ANK1: variants seen among roughly 807,000 people sequenced by gnomAD.
The protein encoded by ANK1 is ankyrin 1.
ANK1 carries 51 observed loss-of-function variants against 210.4 expected under a neutral mutation model. That is an observed-to-expected ratio of 0.24 (90% CI 0.19 to 0.31). ANK1 has a LOEUF of 0.31. Ranked by LOEUF, ANK1 falls within the 10% of genes least tolerant of loss-of-function variation. The pLI, the probability that ANK1 is intolerant of heterozygous loss-of-function variation, is 1.00. For missense variants in ANK1, 2,051 were observed against 2,504.4 expected, an observed-to-expected ratio of 0.82 and a Z score of 3.86; for synonymous variants, 967 against 1,025.9, an observed-to-expected ratio of 0.94 and a Z score of 1.10.
At chr8:41,810,806 C>T (rs1022802822) in intron 1 of ANK1, among the ~76,000 whole-genome samples, 2 of 152,350 alleles carry the variant, frequency 1.3e-5, no homozygotes, top group Admixed American at 6.5e-5. Flanking sequence ...GAGAAACTTC[C>T]CACACCTGTC....
chr8:41,656,291 G>A (rs532185878), intron 42 of ANK1, among the ~76,000 whole-genome samples: 141 of 152,346 alleles, frequency 9.3e-4, no homozygotes, highest in African/African-American at 3.3e-3. Flanking sequence ...TGGAGCGGAT[G>A]TGCTCCCTGG....
At chr8:41,855,269 C>T (rs1811992221) in intron 1 of ANK1, among the ~76,000 whole-genome samples, 1 of 152,226 alleles carries the variant, frequency 6.6e-6, no homozygotes, top group Non-Finnish European at 1.5e-5. Context: ...TGACCAAAGT[C>T]ACCAGGAGAT....
chr8:41,700,092 GC>G (rs1822292088), intron 22 of ANK1, among the ~76,000 whole-genome samples: 1 of 152,232 alleles, frequency 6.6e-6, no homozygotes. Context: ...TGGAGCTGGA[GC>G]CCCGGCCCTC....
rs530692434 is a variant in ANK1 at position 41,820,140 on chromosome 8, G to A, written c.127-62003C>T. On this transcript the variant is annotated intron_variant, in intron 1 of 42. Transcript: ENST00000265709. ...GCTCCACAGGAACTAATTCACACAC[G>A]TTTTCTAATTTAAATTTAGATCTCA... Among the ~76,000 whole-genome samples the A allele has an allele frequency of 2.3e-4, 35 of 150,928 alleles. No individual in the cohort carries two copies. In the South Asian group the frequency reaches 7.1e-3, roughly 31 times the overall value.
chr8:41,873,015 G>A (rs899178281), intron 1 of ANK1, among the ~76,000 whole-genome samples: 2 of 152,220 alleles, frequency 1.3e-5, no homozygotes, highest in Non-Finnish European at 2.9e-5. Flanking sequence ...TCTCTCCTGT[G>A]GGCACGCTGC....
At chr8:41,659,176 T>G (rs372757941) in intron 42 of ANK1, among the ~76,000 whole-genome samples, 2 of 152,202 alleles carry the variant, frequency 1.3e-5, no homozygotes, top group East Asian at 3.9e-4. Flanking sequence ...TGATGTCCAT[T>G]CCCTCCTTAA....
chr8:41,821,964 C>T (rs1374229964), intron 1 of ANK1, among the ~76,000 whole-genome samples: 2 of 151,772 alleles, frequency 1.3e-5, no homozygotes, highest in Admixed American at 6.6e-5. Context: ...GCAAGAGAAT[C>T]GCTTGAACCC....
intron 1 of ANK1, among the ~76,000 whole-genome samples, chr8:41,767,006 G>GC (rs1245215026): frequency 6.6e-6 from 1 of 152,112 alleles, no homozygotes; most frequent in Non-Finnish European, 1.5e-5. Context: ...CCAGGGCCCG[G>GC]CCCCCCTCGG....
chr8:41,789,355 T>C (rs1175274760), intron 1 of ANK1: 1 of 152,266 alleles, frequency 6.6e-6, no homozygotes, highest in Non-Finnish European at 1.5e-5. Flanking sequence ...GGCTCTGATT[T>C]CCTGTGTTGC....
At chr8:41,850,775 C>T (rs746025905) in intron 1 of ANK1, among the ~76,000 whole-genome samples, 1 of 152,258 alleles carries the variant, frequency 6.6e-6, no homozygotes, top group Non-Finnish European at 1.5e-5. Context: ...AGCTACCATG[C>T]CTGGCCCACA....
At chr8:41,879,638 C>A (rs1435493006) in intron 1 of ANK1, among the ~76,000 whole-genome samples, 1 of 152,176 alleles carries the variant, frequency 6.6e-6, no homozygotes, top group Non-Finnish European at 1.5e-5. Flanking sequence ...TGCCGCTGGA[C>A]AGATTCTCTT....
intron 1 of ANK1, among the ~76,000 whole-genome samples, chr8:41,834,404 G>A (rs916818425): frequency 6.6e-6 from 1 of 152,240 alleles, no homozygotes; most frequent in African/African-American, 2.4e-5. Flanking sequence ...AAATGACGCG[G>A]CGCCCATGTC....
intron 2 of ANK1, among the ~76,000 whole-genome samples, chr8:41,755,233 G>T (rs1838827366): frequency 6.6e-6 from 1 of 152,226 alleles, no homozygotes; most frequent in African/African-American, 2.4e-5. Context: ...CCGAAGAGGT[G>T]CTCTGAGGAG....
chr8:41,827,229 A>C (rs191194541), intron 1 of ANK1, among the ~76,000 whole-genome samples: 1 of 152,366 alleles, frequency 6.6e-6, no homozygotes, highest in Admixed American at 6.5e-5. Context: ...GCTGGGAGCC[A>C]GGAATAAATA....
intron 1 of ANK1, among the ~76,000 whole-genome samples, chr8:41,810,204 C>T (rs2150782883): frequency 6.6e-6 from 1 of 152,354 alleles, no homozygotes; most frequent in South Asian, 2.1e-4. Context: ...GCTTTCAGAT[C>T]TGGGCGAGGT....
chr8:41,722,878 G>A (rs77862517), intron 9 of ANK1, among the ~76,000 whole-genome samples: 6 of 152,154 alleles, frequency 3.9e-5, no homozygotes, highest in East Asian at 3.9e-4. Flanking sequence ...CAGGGACCAC[G>A]GCCTGCAAAG....
At chr8:41,824,309 A>T (rs1007461887) in intron 1 of ANK1, among the ~76,000 whole-genome samples, 8 of 152,166 alleles carry the variant, frequency 5.3e-5, no homozygotes, top group Non-Finnish European at 2.9e-5. Flanking sequence ...AATTATTATT[A>T]TGACTTTGGG....
intron 1 of ANK1, among the ~76,000 whole-genome samples, chr8:41,770,281 C>T (rs1842758023): frequency 6.6e-6 from 1 of 152,176 alleles, no homozygotes. Context: ...CTGCGCCCAG[C>T]TTATATATCT....
At chr8:41,661,279 T>C (rs1808033520) in intron 42 of ANK1, 151 bp downstream of exon 42, 4 of 1,196,952 alleles carry the variant, frequency 3.3e-6, no homozygotes, top group Non-Finnish European at 4.7e-6. Flanking sequence ...GTTAGCAGGG[T>C]TGGGAAGTGA....
Sources: allele counts gnomAD v4.1 joint callset (sites outside exome capture counted in the v4.1 genomes callset), GRCh38; gene constraint gnomAD v4.1.1; transcripts MANE v1.5; gene names NCBI Gene and HGNC (gene_info 2026-07-23, HGNC 2026-07-21).